Variants in R3HCC1L observed in about 807,000 individuals in gnomAD.
The protein encoded by R3HCC1L is R3H domain and coiled-coil containing 1 like.
A neutral mutation model predicts 59.9 loss-of-function variants in R3HCC1L; 51 were observed. That is an observed-to-expected ratio of 0.85 (90% CI 0.68 to 1.07). The LOEUF (loss-of-function observed/expected upper bound fraction) is 1.07. Ranked by LOEUF, R3HCC1L falls within the 50% of genes least tolerant of loss-of-function variation. The probability of loss-of-function intolerance (pLI) is 0.00; values close to 1 mark genes in which losing one functional copy is unlikely to be tolerated. For synonymous variants in R3HCC1L, 322 were observed against 315.2 expected (o/e 1.02, Z -0.23); for missense variants, 965 against 933.0 (o/e 1.03, Z -0.45).
At chr10:98,186,379 T>C (rs967215501) in intron 4 of R3HCC1L, 6 of 506,010 alleles carry the variant, frequency 1.2e-5, no homozygotes, top group East Asian at 1.5e-4. Context: ...GGAACAAAAA[T>C]AGCATACAAT....
In R3HCC1L at chr10:98,236,058, T is replaced by A. The variant is rs1196612475; in HGVS notation, c.2163T>A (p.Thr721=). The A allele has an allele frequency of 6.2e-7, 1 of 1,613,896 alleles. No individual in the cohort carries two copies. The highest frequency in any genetic ancestry group is 1.3e-5 in the African/African-American group (1 of 74,912). Residue 721 remains threonine (T), a synonymous_variant, in exon 9 of 10, where the codon ACT becomes ACA. Transcript: ENST00000298999. The part of the protein sequence containing the change: ...FLQPAKERPE[T]SAALARRLVI... ...AGCCAGCAAAGGAGCGTCCTGAGAC[T>A]TCAGCAGCCCTAGCCAGAAGGTTAG...
chr10:98,156,342 G>A (rs1174923875), intron 2 of R3HCC1L, among the ~76,000 whole-genome samples, 195 bp downstream of exon 2: 2 of 152,156 alleles, frequency 1.3e-5, no homozygotes, highest in African/African-American at 2.4e-5. Context: ...CAGCATGCCT[G>A]CCCTCTCACA....
intron 1 of R3HCC1L, among the ~76,000 whole-genome samples, chr10:98,154,288 C>G (rs1386120657): frequency 6.6e-6 from 1 of 151,282 alleles, no homozygotes; most frequent in Non-Finnish European, 1.5e-5. Flanking sequence ...ATTGGTGTAT[C>G]CAGCGTGTAC....
Position 98,209,862 on chromosome 10 carries a change from A to G in R3HCC1L, c.1748A>G (p.Asp583Gly). Residue 583 changes from aspartate (D) to glycine (G), a missense_variant, in exon 5 of 10, where the codon GAT (aspartate) becomes GGT (glycine). By Grantham distance (94) the Asp-to-Gly change is moderately conservative. Coordinates refer to ENST00000298999, the MANE Select transcript of R3HCC1L (RefSeq NM_001351015.2). ...GAGAGCTGGGAGTCTATGTTTAACGATGATGGTGACTGCCTGGATCCACGT... is the reference window on the plus strand; with the variant it reads ...GAGAGCTGGGAGTCTATGTTTAACGGTGATGGTGACTGCCTGGATCCACGT... ...IEESWESMFN[D>G]DGDCLDPRLL... The G allele has an allele frequency of 6.2e-7, 1 of 1,613,448 alleles. No individual in the cohort carries two copies. The highest frequency in any genetic ancestry group is 1.7e-5 in the Admixed American group (1 of 60,012).
At chr10:98,151,083 G>A (rs1317252439) in intron 1 of R3HCC1L, among the ~76,000 whole-genome samples, 3 of 152,094 alleles carry the variant, frequency 2.0e-5, no homozygotes, top group Admixed American at 6.5e-5. Flanking sequence ...CTTCTCCATG[G>A]CCCTGAAACT....
intron 9 of R3HCC1L, among the ~76,000 whole-genome samples, chr10:98,238,731 C>T (rs1413293189): frequency 6.6e-6 from 1 of 152,106 alleles, no homozygotes; most frequent in African/African-American, 2.4e-5. Flanking sequence ...CAGTTATTGA[C>T]ATTTTCTCCC....
At chr10:98,207,737 G>T (rs1852863949) in intron 4 of R3HCC1L, among the ~76,000 whole-genome samples, 1 of 151,954 alleles carries the variant, frequency 6.6e-6, no homozygotes, top group Non-Finnish European at 1.5e-5. Context: ...GGGCACAGTG[G>T]TTCATGCCTG....
intron 4 of R3HCC1L, among the ~76,000 whole-genome samples, chr10:98,178,656 A>G (rs1394468586): frequency 6.6e-6 from 1 of 152,198 alleles, no homozygotes; most frequent in Non-Finnish European, 1.5e-5. Flanking sequence ...TACCTTGGGC[A>G]GTATGGCCAT....
intron 5 of R3HCC1L, among the ~76,000 whole-genome samples, chr10:98,225,541 G>A (rs959345731): frequency 6.6e-6 from 1 of 152,214 alleles, no homozygotes; most frequent in Non-Finnish European, 1.5e-5. Context: ...TGGGGGAAAT[G>A]AAGTTCTTCC....
In R3HCC1L at chr10:98,209,167, T is replaced by TA. The variant is rs1225109092; in HGVS notation, c.1054dup (p.Thr352AsnfsTer7). The TA allele has an allele frequency of 1.2e-6, 2 of 1,613,916 alleles. No individual in the cohort carries two copies. The highest frequency in any genetic ancestry group is 1.7e-4 in the Middle Eastern group (1 of 6,058). On this transcript the variant is annotated frameshift_variant, in exon 5 of 10. Transcript: ENST00000298999. LOFTEE classifies it high-confidence loss of function. ...TACATGTAAAGCACGAACCTCCTGATACAGCTGTCCTTGCTCATGAAACAC... is the reference window on the plus strand; with the variant it reads ...TACATGTAAAGCACGAACCTCCTGATAACAGCTGTCCTTGCTCATGAAACAC...
intron 1 of R3HCC1L, among the ~76,000 whole-genome samples, chr10:98,149,191 T>C (rs1418566236): frequency 6.6e-6 from 1 of 152,194 alleles, no homozygotes; most frequent in African/African-American, 2.4e-5. Context: ...TCTTTGTGTT[T>C]ATGGTCTCAC....
intron 4 of R3HCC1L, among the ~76,000 whole-genome samples, chr10:98,207,738 T>G (rs1309690655): frequency 6.7e-6 from 1 of 148,960 alleles, no homozygotes; most frequent in East Asian, 2.0e-4. Flanking sequence ...GGCACAGTGG[T>G]TCATGCCTGT....
Position 98,209,145 on chromosome 10 carries a change from A to T in R3HCC1L, c.1031A>T (p.His344Leu). Reference sequence around the variant, plus strand: ...AATGACAGCACTGCTGATGAGTTACATGTAAAGCACGAACCTCCTGATACA... The same window carrying T: ...AATGACAGCACTGCTGATGAGTTACTTGTAAAGCACGAACCTCCTGATACA... ...EKNDSTADEL[H>L]VKHEPPDTAV... Residue 344 changes from histidine (H) to leucine (L), a missense_variant, in exon 5 of 10, where the codon CAT (histidine) becomes CTT (leucine). Transcript: ENST00000298999. The T allele has an allele frequency of 6.2e-7, 1 of 1,614,080 alleles. No homozygotes were observed. The highest frequency in any genetic ancestry group is 8.5e-7 in the Non-Finnish European group (1 of 1,180,008).
intron 5 of R3HCC1L, among the ~76,000 whole-genome samples, chr10:98,226,124 GC>G (rs1445627084): frequency 1.3e-5 from 2 of 152,150 alleles, no homozygotes; most frequent in Non-Finnish European, 2.9e-5. Flanking sequence ...ACAGGTCTGT[GC>G]CACCATGCCT....
intron 4 of R3HCC1L, among the ~76,000 whole-genome samples, chr10:98,176,978 A>C (rs898842623): frequency 2.6e-5 from 4 of 151,740 alleles, no homozygotes; most frequent in African/African-American, 9.7e-5. Flanking sequence ...TATTTTTGTT[A>C]GTCTTTTGTT....
intron 4 of R3HCC1L, among the ~76,000 whole-genome samples, chr10:98,195,326 G>A (rs1398594129): frequency 2.0e-5 from 3 of 152,110 alleles, no homozygotes; most frequent in Admixed American, 6.6e-5. Flanking sequence ...ATTGTTCAGT[G>A]AGTGTAGAGT....
chr10:98,226,269 A>G (rs1368855242), intron 5 of R3HCC1L, among the ~76,000 whole-genome samples: 3 of 152,252 alleles, frequency 2.0e-5, no homozygotes, highest in Non-Finnish European at 4.4e-5. Context: ...GGGTTTTGCA[A>G]AGTAACTCAA....
chr10:98,188,964 T>C (rs764888412), intron 4 of R3HCC1L, among the ~76,000 whole-genome samples: 17 of 152,216 alleles, frequency 1.1e-4, no homozygotes, highest in Non-Finnish European at 1.9e-4. Context: ...GAAATGTTAC[T>C]ATTTTGAACA....
intron 5 of R3HCC1L, among the ~76,000 whole-genome samples, chr10:98,220,612 A>G (rs1854801054): frequency 7.4e-6 from 1 of 134,826 alleles, no homozygotes. Flanking sequence ...CCCACCTATG[A>G]GTGAGAATAT....
Sources: gnomAD v4.1 joint callset for allele counts (sites outside exome capture counted in the v4.1 genomes callset) on GRCh38, gnomAD v4.1.1 for gene constraint, MANE v1.5 for transcripts, NCBI Gene and HGNC (gene_info 2026-07-23, HGNC 2026-07-21) for gene names.